Variants in KCNIP4 observed in about 807,000 individuals in gnomAD.
KCNIP4 encodes Kv channel-interacting protein 4.
Under a neutral mutation model 34.0 loss-of-function variants are expected in KCNIP4, and 12 were observed. The ratio of observed to expected loss-of-function variants is 0.35; its 90% CI spans 0.23 to 0.57. The LOEUF is 0.57. Ranked by LOEUF, KCNIP4 falls within the 20% of genes least tolerant of loss-of-function variation. KCNIP4 has a pLI of 0.83. For missense variants in KCNIP4, 238 were observed against 311.7 expected (o/e 0.76, Z 1.78); for synonymous variants, 124 against 102.2 (o/e 1.21, Z -1.29).
intron 1 of KCNIP4, among the ~76,000 whole-genome samples, chr4:21,237,302 G>A (rs1340920866): frequency 6.6e-6 from 1 of 152,126 alleles, no homozygotes; most frequent in African/African-American, 2.4e-5. Flanking sequence ...TATAACGAGG[G>A]AGATGAATAA....
chr4:21,759,757 C>T (rs1229707557), intron 1 of KCNIP4, among the ~76,000 whole-genome samples: 1 of 152,052 alleles, frequency 6.6e-6, no homozygotes, highest in Non-Finnish European at 1.5e-5. Flanking sequence ...GAATGACAAC[C>T]TACGTTCCAA....
chr4:21,325,995 C>T (rs892601476), intron 1 of KCNIP4, among the ~76,000 whole-genome samples: 1 of 151,744 alleles, frequency 6.6e-6, no homozygotes, highest in Non-Finnish European at 1.5e-5. Flanking sequence ...TGAATTTTTA[C>T]AGACGTGTTT....
intron 1 of KCNIP4, among the ~76,000 whole-genome samples, chr4:21,205,918 A>C (rs1863290): frequency 0.52 from 79,383 of 152,010 alleles, 23,246 homozygotes; most frequent in African/African-American, 0.81. Flanking sequence ...ACAGAAACAA[A>C]TATAACATCC....
chr4:21,257,325 C>G (rs1362878720), intron 1 of KCNIP4, among the ~76,000 whole-genome samples: 5 of 152,162 alleles, frequency 3.3e-5, no homozygotes, highest in Non-Finnish European at 7.3e-5. Context: ...TTTTGTTTCC[C>G]TATTTGCTGT....
rs1488379126 is a variant in KCNIP4, at chr4:21,575,934, A to C, written c.61+372637T>G. 2.6e-5 allele frequency among the ~76,000 whole-genome samples: 4 copies of C among 152,320 alleles called. No homozygotes were observed. In the East Asian group the frequency reaches 7.7e-4, roughly 29 times the overall value. On this transcript the variant is annotated intron_variant, in intron 1 of 8. Transcript: ENST00000382152. ...GAAAATCCCATATTAAAGATGATAG[A>C]GTCATCAGATGGAAGGAGCTTGGTC...
chr4:20,769,115 TA>T (rs1755657818), intron 3 of KCNIP4, among the ~76,000 whole-genome samples: 2 of 149,616 alleles, frequency 1.3e-5, no homozygotes, highest in African/African-American at 4.9e-5. Flanking sequence ...GCTCTACTAC[TA>T]ATGAAGAAAT....
chr4:21,542,860 T>G (rs1197912692), intron 1 of KCNIP4, among the ~76,000 whole-genome samples: 1 of 151,834 alleles, frequency 6.6e-6, no homozygotes, highest in African/African-American at 2.4e-5. Flanking sequence ...CATTAAAAAT[T>G]AATTTCATGT....
intron 1 of KCNIP4, among the ~76,000 whole-genome samples, chr4:21,715,346 G>A (rs1037710872): frequency 1.3e-5 from 2 of 151,946 alleles, no homozygotes; most frequent in African/African-American, 4.8e-5. Context: ...TGGCCAGGAT[G>A]GTCTTGCTCT....
At chr4:21,230,532 G>C (rs768583666) in intron 1 of KCNIP4, among the ~76,000 whole-genome samples, 2 of 151,928 alleles carry the variant, frequency 1.3e-5, no homozygotes, top group Non-Finnish European at 2.9e-5. Flanking sequence ...TCAGGGGAGT[G>C]GGGGAAGGGA....
intron 3 of KCNIP4, among the ~76,000 whole-genome samples, chr4:20,781,601 C>A (rs1318396796): frequency 6.6e-6 from 1 of 152,088 alleles, no homozygotes; most frequent in African/African-American, 2.4e-5. Flanking sequence ...CCTGATAAAA[C>A]CATCAGATCT....
chr4:21,858,622 T>A (rs953658038), intron 1 of KCNIP4, among the ~76,000 whole-genome samples: 1 of 152,170 alleles, frequency 6.6e-6, no homozygotes, highest in African/African-American at 2.4e-5. Context: ...ACAAGCACAT[T>A]GGCATTTTTA....
chr4:21,436,613 A>G (rs1265927878), intron 1 of KCNIP4, among the ~76,000 whole-genome samples: 1 of 152,192 alleles, frequency 6.6e-6, no homozygotes, highest in East Asian at 1.9e-4. Flanking sequence ...GAATTCAAAG[A>G]CTGTCTCTGC....
At chr4:21,199,734 A>C (rs1165267245) in intron 1 of KCNIP4, among the ~76,000 whole-genome samples, 2 of 152,210 alleles carry the variant, frequency 1.3e-5, no homozygotes, top group East Asian at 3.8e-4. Flanking sequence ...ATAAAGATAC[A>C]TGCACACATA....
intron 1 of KCNIP4, among the ~76,000 whole-genome samples, chr4:21,177,414 T>C (rs183917778): frequency 3.0e-4 from 45 of 152,264 alleles, no homozygotes; most frequent in Non-Finnish European, 1.8e-4. Context: ...ATTGTTTACC[T>C]TTATATCTCT....
chr4:21,859,819 G>A (rs942847891), intron 1 of KCNIP4, among the ~76,000 whole-genome samples: 4 of 151,994 alleles, frequency 2.6e-5, no homozygotes, highest in African/African-American at 9.7e-5. Context: ...GCTTGAGCCC[G>A]GGAGTTGGAG....
At chr4:20,888,284 T>A (rs1725538755) in intron 1 of KCNIP4, among the ~76,000 whole-genome samples, 1 of 152,190 alleles carries the variant, frequency 6.6e-6, no homozygotes, top group Non-Finnish European at 1.5e-5. Flanking sequence ...CATTACTGAA[T>A]TCCCAGTATG....
chr4:21,566,758 A>G (rs977416330), intron 1 of KCNIP4, among the ~76,000 whole-genome samples: 1 of 152,164 alleles, frequency 6.6e-6, no homozygotes, highest in East Asian at 1.9e-4. Flanking sequence ...CTTCCATTTC[A>G]GGTGGATTGA....
chr4:21,614,169 G>C (rs1744406128), intron 1 of KCNIP4, among the ~76,000 whole-genome samples: 2 of 151,614 alleles, frequency 1.3e-5, no homozygotes, highest in East Asian at 1.9e-4. Flanking sequence ...AATTCTTCTG[G>C]TCAGAGAAAA....
intron 1 of KCNIP4, among the ~76,000 whole-genome samples, chr4:21,606,851 T>C (rs932390063): frequency 1.3e-5 from 2 of 152,072 alleles, no homozygotes; most frequent in Non-Finnish European, 2.9e-5. Context: ...CTGCATTCTT[T>C]GGCTTGTGCA....
Sources: gnomAD v4.1 joint callset for allele counts (sites outside exome capture counted in the v4.1 genomes callset) on GRCh38, gnomAD v4.1.1 for gene constraint, MANE v1.5 for transcripts, NCBI Gene and HGNC (gene_info 2026-07-23, HGNC 2026-07-21) for gene names.